SPPL2A: variants seen among roughly 807,000 people sequenced by gnomAD.
The protein encoded by SPPL2A is signal peptide peptidase-like 2A.
Under a neutral mutation model 63.8 loss-of-function variants are expected in SPPL2A, and 51 were observed. That is an observed-to-expected ratio of 0.80 (90% CI 0.64 to 1.01). The LOEUF is 1.01. SPPL2A is among the 50% of genes least tolerant of loss of function. The pLI is 0.00. For synonymous variants in SPPL2A, 188 were observed against 205.8 expected (o/e 0.91, Z 0.74); for missense variants, 553 against 622.7 (o/e 0.89, Z 1.19).
intron 11 of SPPL2A, chr15:50,726,005 AAAG>A: frequency 1.9e-6 from 2 of 1,075,076 alleles, no homozygotes; most frequent in Non-Finnish European, 2.5e-6. Context: ...TTTTTCCCCC[AAAG>A]AAGAGTCTTG....
Position 50,736,201 on chromosome 15 carries a change from T to A in SPPL2A, c.832A>T (p.Ile278Phe). 6.3e-7 allele frequency: 1 copy of A among 1,594,406 alleles called. No individual in the cohort carries two copies. The highest frequency in any genetic ancestry group is 8.6e-7 in the Non-Finnish European group (1 of 1,162,722). The change falls in exon 8 of 15, where the codon ATT becomes TTT. Residue 278 changes from isoleucine to phenylalanine, a missense_variant and splice_region_variant. Coordinates refer to ENST00000261854, the MANE Select transcript of SPPL2A (RefSeq NM_032802.4). ...IHKIPYGQCT[I>F]ACRGKNMEVR... ...TCCATGTTTTTGCCACGACATGCAA[T>A]CCTAAAAAACAGATTAAAATAGTTA... is the stretch of plus-strand genomic sequence containing the variant.
At chr15:50,761,540 C>G (rs1394691970) in intron 1 of SPPL2A, among the ~76,000 whole-genome samples, 2 of 152,046 alleles carry the variant, frequency 1.3e-5, no homozygotes, top group South Asian at 4.1e-4. Context: ...TGCTTGTACC[C>G]GGGAAGCAGA....
At position 50,709,372 on chromosome 15, in the gene SPPL2A, T is replaced by C. The variant is rs188323291; in HGVS notation, c.1489-1498A>G. ...TGGTTCTGAAGGCTTTAGTGTTTTT[T>C]GGAAGAAGAACAAGAGGGTGGAATC... On this transcript the variant is annotated intron_variant, in intron 14 of 14. Coordinates refer to ENST00000261854, the MANE Select transcript of SPPL2A (RefSeq NM_032802.4). 5.5e-3 allele frequency among the ~76,000 whole-genome samples: 838 copies of C among 152,312 alleles called. 8 individuals carry two copies. The highest frequency in any genetic ancestry group is 0.02 in the African/African-American group (811 of 41,570).
intron 1 of SPPL2A, among the ~76,000 whole-genome samples, chr15:50,752,610 C>A (rs2062918596): frequency 1.3e-5 from 2 of 151,566 alleles, no homozygotes; most frequent in Admixed American, 1.3e-4. Context: ...CCTAGCTACT[C>A]AGGAGGCTGA....
intron 12 of SPPL2A, 40 bp downstream of exon 12, chr15:50,725,181 A>G (rs746619041): frequency 8.9e-7 from 1 of 1,117,972 alleles, no homozygotes; most frequent in Non-Finnish European, 1.4e-6. Context: ...TAAAATCATC[A>G]GTGTTTTTTT....
intron 3 of SPPL2A, 121 bp downstream of exon 3, chr15:50,748,567 A>T (rs1024033751): frequency 1.5e-6 from 1 of 665,632 alleles, no homozygotes; most frequent in African/African-American, 1.9e-5. Flanking sequence ...ATTTACAAAG[A>T]ATCTTGCCAT....
At chr15:50,718,085 CCTCAGCCTCCCGAGT>C (rs2062612985) in intron 14 of SPPL2A, among the ~76,000 whole-genome samples, 1 of 150,854 alleles carries the variant, frequency 6.6e-6, no homozygotes. Flanking sequence ...CATTCTCCTG[CCTCAGCCTCCCGAGT>C]AGCTGGGACT....
chr15:50,751,897 T>C (rs897250629), intron 1 of SPPL2A, among the ~76,000 whole-genome samples: 4 of 152,144 alleles, frequency 2.6e-5, no homozygotes, highest in Non-Finnish European at 5.9e-5. Context: ...AATGGCATGA[T>C]CTTGGCTCAC....
At chr15:50,740,082 GT>G (rs1436990954) in intron 5 of SPPL2A, among the ~76,000 whole-genome samples, 2 of 152,112 alleles carry the variant, frequency 1.3e-5, no homozygotes, top group African/African-American at 4.8e-5. Flanking sequence ...GAGATGATCT[GT>G]TTTCAACCAC....
intron 1 of SPPL2A, among the ~76,000 whole-genome samples, chr15:50,758,832 TAA>T (rs1206960966): frequency 6.6e-6 from 1 of 152,200 alleles, no homozygotes; most frequent in Non-Finnish European, 1.5e-5. Flanking sequence ...TGGATTTTCA[TAA>T]ACGGACCAAA....
intron 14 of SPPL2A, among the ~76,000 whole-genome samples, chr15:50,718,353 A>G (rs1202638866): frequency 2.0e-5 from 3 of 152,186 alleles, no homozygotes; most frequent in Non-Finnish European, 4.4e-5. Flanking sequence ...TACCAAAAAT[A>G]GTATCCTCTC....
In SPPL2A at chr15:50,703,356, A is replaced by ATATATTTTTTTTTTT. The variant is rs1196710672; in HGVS notation, c.*4443_*4444insAAAAAAAAAAATATA. 2 of 62,042 alleles carry ATATATTTTTTTTTTT rather than the reference A, an allele frequency of 3.2e-5. No homozygotes were observed. Among genetic ancestry groups the ATATATTTTTTTTTTT allele is most frequent in the African/African-American group, 1.4e-4 (2 of 14,240 alleles). The allele number at this position is 62,042 out of a possible 1,614,324, so 3.8% of individuals were successfully genotyped here. A position where few individuals can be genotyped will look rare whatever the true frequency, so the allele number is the denominator to read the frequency against. On this transcript the variant is annotated 3_prime_UTR_variant, in exon 15 of 15. Coordinates refer to ENST00000261854, the MANE Select transcript of SPPL2A (RefSeq NM_032802.4). ...TATATATATATATATACATATATATATTTTTTTTTTTTTTTTTTTTTTTTG... is the reference window on the plus strand; with the variant it reads ...TATATATATATATATACATATATATATATATTTTTTTTTTTTTTTTTTTTTTTTTTTTTTTTTTTG...
At chr15:50,740,668 T>C (rs1256868239) in intron 5 of SPPL2A, among the ~76,000 whole-genome samples, 1 of 152,016 alleles carries the variant, frequency 6.6e-6, no homozygotes, top group African/African-American at 2.4e-5. Context: ...TGGAGTGCAG[T>C]GGCGCGATCT....
chr15:50,713,827 AAAC>A (rs1276357554), intron 14 of SPPL2A, among the ~76,000 whole-genome samples: 1 of 152,136 alleles, frequency 6.6e-6, no homozygotes, highest in Non-Finnish European at 1.5e-5. Flanking sequence ...CCAAACCAAC[AAAC>A]AACAAAACAA....
chr15:50,749,567 T>C, intron 2 of SPPL2A, 69 bp downstream of exon 2: 1 of 1,016,168 alleles, frequency 9.8e-7, no homozygotes, highest in Non-Finnish European at 1.6e-6. Flanking sequence ...ATTACAGGCA[T>C]GAGCCACCGT....
At chr15:50,748,058 A>C in intron 4 of SPPL2A, 55 bp downstream of exon 4, 1 of 722,518 alleles carries the variant, frequency 1.4e-6, no homozygotes. Context: ...TAGTGATTAA[A>C]AATAAAGAGA....
chr15:50,747,743 A>G (rs997755276), intron 4 of SPPL2A, 115 bp from the exon 5 acceptor site: 2 of 721,226 alleles, frequency 2.8e-6, no homozygotes, highest in Non-Finnish European at 4.7e-6. Context: ...ACAGTCAAGA[A>G]GACTAGAATT....
chr15:50,722,852 TC>T (rs1053282733), intron 12 of SPPL2A, among the ~76,000 whole-genome samples: 2 of 152,256 alleles, frequency 1.3e-5, no homozygotes, highest in African/African-American at 4.8e-5. Context: ...AAGGAAACAG[TC>T]AACAAAGTGA....
At chr15:50,733,230 T>C (rs2062744613) in intron 8 of SPPL2A, among the ~76,000 whole-genome samples, 1 of 152,166 alleles carries the variant, frequency 6.6e-6, no homozygotes, top group African/African-American at 2.4e-5. Context: ...CCATCAGAAA[T>C]TGACATAAGT....
Sources: gnomAD v4.1 joint callset for allele counts (sites outside exome capture counted in the v4.1 genomes callset) on GRCh38, gnomAD v4.1.1 for gene constraint, MANE v1.5 for transcripts, NCBI Gene and HGNC (gene_info 2026-07-23, HGNC 2026-07-21) for gene names.